Variants in CSMD1 observed in about 807,000 individuals in gnomAD.
CSMD1 encodes CUB and sushi domain-containing protein 1.
In CSMD1, 213 loss-of-function variants were observed where a neutral mutation model predicts 417.5. The ratio of observed to expected loss-of-function variants is 0.51; its 90% confidence interval spans 0.46 to 0.57. The LOEUF (loss-of-function observed/expected upper bound fraction) is 0.57, where lower values mean the gene tolerates loss of function less well. CSMD1 is among the 20% of genes least tolerant of loss of function. The pLI is 0.00. For missense variants in CSMD1, 6,923 were observed against 4,529.7 expected, an observed-to-expected ratio of 1.53 and a Z score of -15.17; for synonymous variants, 2,862 against 1,736.8, an observed-to-expected ratio of 1.65 and a Z score of -16.11.
chr8:4,293,534 A>ATTCTTT (rs1423339825), intron 3 of CSMD1, among the ~76,000 whole-genome samples: 2 of 152,222 alleles, frequency 1.3e-5, no homozygotes, highest in Non-Finnish European at 2.9e-5. Context: ...TAACCATGAA[A>ATTCTTT]TAGACTTGTC....
At chr8:3,510,574 C>A (rs560938054) in intron 10 of CSMD1, among the ~76,000 whole-genome samples, 3 of 151,904 alleles carry the variant, frequency 2.0e-5, no homozygotes, top group African/African-American at 7.3e-5. Flanking sequence ...TAACACATTA[C>A]GTGGCACAAA....
At chr8:4,871,689 T>A (rs1429575519) in intron 1 of CSMD1, among the ~76,000 whole-genome samples, 1 of 152,128 alleles carries the variant, frequency 6.6e-6, no homozygotes, top group Non-Finnish European at 1.5e-5. Context: ...TATTAATGAA[T>A]CTAGCAAAAA....
At chr8:4,347,787 C>G (rs1800857990) in intron 3 of CSMD1, among the ~76,000 whole-genome samples, 2 of 152,012 alleles carry the variant, frequency 1.3e-5, no homozygotes, top group African/African-American at 4.8e-5. Context: ...TTTAGTAACT[C>G]TAAATAAAAT....
intron 3 of CSMD1, among the ~76,000 whole-genome samples, chr8:4,314,938 G>A (rs577175628): frequency 6.6e-6 from 1 of 152,246 alleles, no homozygotes; most frequent in East Asian, 1.9e-4. Context: ...CAGGAAAAGT[G>A]GGGTTGACAT....
At chr8:4,642,389 C>G (rs549637258) in intron 1 of CSMD1, among the ~76,000 whole-genome samples, 54 of 152,292 alleles carry the variant, frequency 3.5e-4, no homozygotes, top group African/African-American at 1.2e-3. Context: ...TGAACACCCC[C>G]CTACAGTTGG....
intron 41 of CSMD1, among the ~76,000 whole-genome samples, chr8:3,120,704 A>AGC (rs1554431366): frequency 2.1e-4 from 31 of 148,934 alleles, no homozygotes; most frequent in African/African-American, 7.2e-4. Context: ...AAAATTAGCC[A>AGC]GGGGGGGTGA....
intron 1 of CSMD1, among the ~76,000 whole-genome samples, chr8:4,992,167 G>T (rs1377616064): frequency 6.6e-6 from 1 of 152,080 alleles, no homozygotes; most frequent in African/African-American, 2.4e-5. Context: ...CCCCTGCCCT[G>T]TTCGCCCCAG....
intron 2 of CSMD1, among the ~76,000 whole-genome samples, chr8:4,575,761 C>T (rs1464701812): frequency 6.6e-6 from 1 of 152,204 alleles, no homozygotes. Context: ...TCATACTCCA[C>T]AAGTGCTTAT....
chr8:3,301,056 C>T (rs1161316116), intron 25 of CSMD1, among the ~76,000 whole-genome samples: 1 of 150,004 alleles, frequency 6.7e-6, no homozygotes, highest in Non-Finnish European at 1.5e-5. Context: ...CCACACCACA[C>T]AATATACATT....
intron 2 of CSMD1, among the ~76,000 whole-genome samples, chr8:4,515,490 G>C (rs1803065214): frequency 2.0e-5 from 3 of 152,126 alleles, no homozygotes; most frequent in Admixed American, 2.0e-4. Context: ...CTAGAAATAT[G>C]AGCTTAAAGA....
chr8:4,741,848 T>G (rs1476273937), intron 1 of CSMD1, among the ~76,000 whole-genome samples: 1 of 151,836 alleles, frequency 6.6e-6, no homozygotes, highest in Admixed American at 6.6e-5. Flanking sequence ...TTATCCTTGT[T>G]TTTGAGACAG....
At chr8:3,842,908 T>G (rs947116353) in intron 5 of CSMD1, among the ~76,000 whole-genome samples, 1 of 152,142 alleles carries the variant, frequency 6.6e-6, no homozygotes, top group Non-Finnish European at 1.5e-5. Context: ...AAATATAAAA[T>G]TTTAAAAACG....
intron 20 of CSMD1, among the ~76,000 whole-genome samples, chr8:3,362,228 G>C (rs959550241): frequency 6.6e-6 from 1 of 152,070 alleles, no homozygotes; most frequent in East Asian, 1.9e-4. Flanking sequence ...CCCTACTCTG[G>C]TTATCATTAG....
intron 1 of CSMD1, among the ~76,000 whole-genome samples, chr8:4,816,487 C>A (rs944166065): frequency 1.3e-5 from 2 of 152,054 alleles, no homozygotes; most frequent in African/African-American, 4.8e-5. Context: ...CTCAGGCTCC[C>A]AAAATGTTGG....
rs374486894 is a variant in CSMD1, at chr8:4,344,398, A to G, written c.415+75555T>C. Among the ~76,000 whole-genome samples, 5 of 152,194 alleles carry G rather than the reference A, an allele frequency of 3.3e-5. No homozygotes were observed. The East Asian group carries it at 9.7e-4, about 29-fold the overall frequency. ...ATACGCTCAAGCTCAGAGAGTACCTACTATCTTCTGTTGAGCAAAGGCAGG... is the reference window on the plus strand; with the variant it reads ...ATACGCTCAAGCTCAGAGAGTACCTGCTATCTTCTGTTGAGCAAAGGCAGG... On this transcript the variant is annotated intron_variant, in intron 3 of 69. Transcript: ENST00000635120.
intron 4 of CSMD1, among the ~76,000 whole-genome samples, chr8:4,020,375 T>C (rs942799217): frequency 6.6e-6 from 1 of 152,214 alleles, no homozygotes; most frequent in Non-Finnish European, 1.5e-5. Flanking sequence ...TTGTATTTCA[T>C]TTAATCCTTA....
intron 5 of CSMD1, among the ~76,000 whole-genome samples, chr8:3,849,295 A>G (rs1803719455): frequency 6.6e-6 from 1 of 152,148 alleles, no homozygotes; most frequent in Non-Finnish European, 1.5e-5. Context: ...ACAAAGATAC[A>G]GGGCGGACTG....
chr8:4,559,380 T>A (rs13252508), intron 2 of CSMD1, among the ~76,000 whole-genome samples: 23,067 of 152,180 alleles, frequency 0.15, 2,298 homozygotes, highest in Non-Finnish European at 0.22. Context: ...TTAAAAAAAA[T>A]CTTCATATAC....
chr8:2,942,954 A>ATATTCTAT (rs1801992102), intron 68 of CSMD1, among the ~76,000 whole-genome samples: 1 of 152,190 alleles, frequency 6.6e-6, no homozygotes, highest in Non-Finnish European at 1.5e-5. Flanking sequence ...TTCAGAGGTC[A>ATATTCTAT]ATAATATTTG....
Sources: gnomAD v4.1 joint callset for allele counts (sites outside exome capture counted in the v4.1 genomes callset) on GRCh38, gnomAD v4.1.1 for gene constraint, MANE v1.5 for transcripts, NCBI Gene and HGNC (gene_info 2026-07-23, HGNC 2026-07-21) for gene names.